The following POMT1 variants were observed in gnomAD, a reference collection of about 807,000 sequenced individuals.
POMT1 encodes protein O-mannosyltransferase 1.
POMT1 carries 85 observed loss-of-function variants against 101.6 expected under a neutral mutation model. That is an observed-to-expected ratio of 0.84 (90% CI 0.70 to 1.00). The LOEUF (loss-of-function observed/expected upper bound fraction) is 1.00, where lower values mean the gene tolerates loss of function less well. Ranked by LOEUF, POMT1 falls within the 50% of genes least tolerant of loss-of-function variation. The pLI, the probability that POMT1 is intolerant of heterozygous loss-of-function variation, is 0.00. For synonymous variants in POMT1, 371 were observed against 383.0 expected, an observed-to-expected ratio of 0.97 and a Z score of 0.37; for missense variants, 857 against 930.4, an observed-to-expected ratio of 0.92 and a Z score of 1.03.
At chr9:131,511,572 CAGAA>C (rs1947123598) in intron 10 of POMT1, 105 bp downstream of exon 10, 2 of 1,507,072 alleles carry the variant, frequency 1.3e-6, no homozygotes, top group Non-Finnish European at 1.8e-6. Context: ...GTTTGCAGGA[CAGAA>C]AGAAGTTGAG....
chr9:131,509,065 T>C (rs1266133968), intron 6 of POMT1, 43 bp downstream of exon 6: 1 of 1,420,830 alleles, frequency 7.0e-7, no homozygotes, highest in African/African-American at 1.4e-5. Flanking sequence ...AGAACAGAGA[T>C]TCTGGGTGGT....
At chr9:131,508,072 C>T (rs1194653401) in intron 5 of POMT1, among the ~76,000 whole-genome samples, 7 of 148,160 alleles carry the variant, frequency 4.7e-5, no homozygotes, top group African/African-American at 1.0e-4. Flanking sequence ...CTAAAAATAA[C>T]GAAAAATACA....
chr9:131,508,861 C>G, intron 5 of POMT1, 50 bp from the exon 6 acceptor site: 1 of 1,312,882 alleles, frequency 7.6e-7, no homozygotes, highest in African/African-American at 1.4e-5. Flanking sequence ...CATCCTCATA[C>G]GTTTTCCCTT....
rs745738628 is a variant in POMT1, at chr9:131,522,931, G to C, written c.2004-1G>C. The C allele has an allele frequency of 3.8e-6, 6 of 1,585,398 alleles. No homozygotes were observed. The highest frequency in any genetic ancestry group is 8.6e-7 in the Non-Finnish European group (1 of 1,168,594). On this transcript the variant is annotated splice_acceptor_variant, in intron 19 of 19. Transcript: ENST00000402686. LOFTEE classifies it high-confidence loss of function. The surrounding 1 kb of genome is among the most constrained non-coding windows in gnomAD (Gnocchi z 5.5). The stretch of plus-strand genomic sequence containing the variant: ...CCCCCACGCTGCTCTGACCTCTGCA[G>C]GTCCCAGCTCCAGAGGAGCATCTTC...
In POMT1 at chr9:131,518,900, TC is replaced by T; in HGVS notation, c.1432del (p.Arg478GlyfsTer57). 1 of 1,613,804 alleles carries T rather than the reference TC, an allele frequency of 6.2e-7. No individual in the cohort carries two copies. Among genetic ancestry groups the T allele is most frequent in the Non-Finnish European group, 8.5e-7 (1 of 1,180,024 alleles). ...RQLEIVGEKL[S>X]RGYHGSTVWN... ...ACTGGAGATCGTCGGGGAGAAGCTG[TC>T]CCGGGGCTACCACGGGAGCACGGTG... On this transcript the variant is annotated frameshift_variant, in exon 15 of 20. Coordinates refer to ENST00000402686, the MANE Select transcript of POMT1 (RefSeq NM_001077365.2). LOFTEE classifies it high-confidence loss of function.
In POMT1 at chr9:131,518,514, G is replaced by A. The variant is rs1019439823; in HGVS notation, c.1342G>A (p.Val448Met). The A allele has an allele frequency of 1.9e-6, 3 of 1,613,664 alleles. No homozygotes were observed. The highest frequency in any genetic ancestry group is 1.7e-5 in the Admixed American group (1 of 60,012). The change falls in exon 14 of 20, where the codon GTG becomes ATG. Residue 448 changes from valine to methionine, a missense_variant. Val to Met is a conservative substitution (Grantham distance 21). Transcript: ENST00000402686. ...TILSEVRFVH[V>M]NTSAVLKLSG... ...CCTCTCAGAGGTCCGCTTTGTGCAC[G>A]TGAACACTTCCGCTGTCTTAAAGGT...
At chr9:131,521,208 A>T in intron 17 of POMT1, 138 bp from the exon 18 acceptor site, 4 of 1,177,222 alleles carry the variant, frequency 3.4e-6, no homozygotes, top group Non-Finnish European at 5.0e-6. Flanking sequence ...AGTAAGGCCT[A>T]GTGGATGCTA....
chr9:131,521,218 A>T, intron 17 of POMT1, 128 bp from the exon 18 acceptor site: 1 of 1,328,744 alleles, frequency 7.5e-7, no homozygotes, highest in Non-Finnish European at 1.1e-6. Flanking sequence ...AGTGGATGCT[A>T]GGCTGTGCCT....
chr9:131,519,985 C>T lies in POMT1; in HGVS notation c.1585-95C>T, dbSNP rs1235678583. On this transcript the variant is annotated intron_variant, in intron 16 of 19. Transcript: ENST00000402686. The surrounding 1 kb of genome is among the most constrained non-coding windows in gnomAD (Gnocchi z 4.3). ...AATGAACTTGAGCTGGGCCAGTCCA[C>T]GTGCAAGGGGCAGCAGTGTACTCCT... 50 of 918,298 alleles carry T rather than the reference C, an allele frequency of 5.4e-5. No individual in the cohort carries two copies. The highest frequency in any genetic ancestry group is 2.4e-4 in the Middle Eastern group (1 of 4,134). 56.9% of individuals were successfully genotyped at this position (918,298 alleles called of 1,614,324 possible).
In POMT1 at chr9:131,522,659, C is replaced by T; in HGVS notation, c.2004-273C>T. The stretch of plus-strand genomic sequence containing the variant: ...AGGGCCTCCCGGTTTCAGGAAGCCA[C>T]ACAAGGGAGGACCGTGGGTTTGGGA... On this transcript the variant is annotated intron_variant, in intron 19 of 19. Coordinates refer to ENST00000402686, the MANE Select transcript of POMT1 (RefSeq NM_001077365.2). This position sits in a 1 kb window ranked among gnomAD's most constrained non-coding sequence, Gnocchi z 5.5. The T allele has an allele frequency of 1.7e-6, 1 of 572,598 alleles. No individual in the cohort carries two copies. The highest frequency in any genetic ancestry group is 3.1e-6 in the Non-Finnish European group (1 of 320,180). The allele number at this position is 572,598 out of a possible 1,614,324, so 35.5% of individuals were successfully genotyped here.
In POMT1 at chr9:131,523,161, C is replaced by T; in HGVS notation, c.*55C>T. The T allele has an allele frequency of 1.3e-6, 2 of 1,583,118 alleles. No homozygotes were observed. The highest frequency in any genetic ancestry group is 1.7e-6 in the Non-Finnish European group (2 of 1,166,424). ...TGGGGTCGGGATGAGGTTGAAGGGT[C>T]TTGGTCAATGTACGTAATGAGCAGG... On this transcript the variant is annotated 3_prime_UTR_variant, in exon 20 of 20. Transcript: ENST00000402686.
At position 131,506,424 on chromosome 9, in the gene POMT1, G is replaced by A. The variant is rs1945825947; in HGVS notation, c.251G>A (p.Gly84Asp). The change falls in exon 4 of 20, where the codon GGC becomes GAC. Residue 84 changes from glycine to aspartate, a missense_variant. Gly to Asp is a moderately conservative substitution (Grantham distance 94). Coordinates refer to ENST00000402686, the MANE Select transcript of POMT1 (RefSeq NM_001077365.2). ...ALGGYLGGFD[G>D]NFLWNRIGAE... ...TCAGGTTATTTAGGAGGATTCGATG[G>A]CAATTTTTTGTGGAACAGAATTGGA... 6.2e-7 allele frequency: 1 copy of A among 1,613,070 alleles called. No individual in the cohort carries two copies. Among genetic ancestry groups the A allele is most frequent in the Non-Finnish European group, 8.5e-7 (1 of 1,179,112 alleles).
chr9:131,505,161 CCA>C lies in POMT1; in HGVS notation c.122+829_122+830del, dbSNP rs567050191. On this transcript the variant is annotated intron_variant, in intron 2 of 19. Coordinates refer to ENST00000402686, the MANE Select transcript of POMT1 (RefSeq NM_001077365.2). ...GAGACAAGTATAATGAATGACCCCC[CCA>C]CACACACCAGTATTTTCATTACCCA... 5.7e-3 allele frequency among the ~76,000 whole-genome samples: 873 copies of C among 152,104 alleles called. 13 individuals carry two copies. Among genetic ancestry groups the C allele is most frequent in the African/African-American group, 0.02 (838 of 41,468 alleles).
At chr9:131,520,588 C>T (rs1305748103) in intron 17 of POMT1, among the ~76,000 whole-genome samples, 1 of 152,216 alleles carries the variant, frequency 6.6e-6, no homozygotes, top group Non-Finnish European at 1.5e-5. Flanking sequence ...CAGTCAGCGC[C>T]CCATAAATAT....
At position 131,513,304 on chromosome 9, in the gene POMT1, A is replaced by C; in HGVS notation, c.1148A>C (p.His383Pro). ...CACGGGGACATGGTGCAGCTGGTCC[A>C]CGGCATGACCACCCGCTCCCTGAAC... ...VRHGDMVQLV[H>P]GMTTRSLNTH... Residue 383 changes from histidine (H) to proline (P), a missense_variant, in exon 12 of 20, where the codon CAC becomes CCC. By Grantham distance (77) the His-to-Pro change is moderately conservative. Transcript: ENST00000402686. 1 of 1,612,236 alleles carries C rather than the reference A, an allele frequency of 6.2e-7. No homozygotes were observed. The highest frequency in any genetic ancestry group is 8.5e-7 in the Non-Finnish European group (1 of 1,179,902).
chr9:131,508,519 G>T lies in POMT1; in HGVS notation c.428-392G>T, dbSNP rs147370684. ...GCACTCCAGCCTGGTGACAGAACAA[G>T]ACTCTGTCTCAAAAAAATAAATAAA... On this transcript the variant is annotated intron_variant, in intron 5 of 19. Transcript: ENST00000402686. Among the ~76,000 whole-genome samples, 13 of 152,064 alleles carry T rather than the reference G, an allele frequency of 8.5e-5. No individual in the cohort carries two copies. In the East Asian group the frequency reaches 2.3e-3, roughly 27 times the overall value.
chr9:131,506,456 A>T lies in POMT1; in HGVS notation c.280+3A>T. 1 of 1,609,190 alleles carries T rather than the reference A, an allele frequency of 6.2e-7. No individual in the cohort carries two copies. Among genetic ancestry groups the T allele is most frequent in the Non-Finnish European group, 8.5e-7 (1 of 1,175,512 alleles). The stretch of plus-strand genomic sequence containing the variant: ...TTTGTGGAACAGAATTGGAGCAGGT[A>T]AAAGATAATTTTCATTTCCCTTTTA... On this transcript the variant is annotated splice_donor_region_variant and intron_variant, in intron 4 of 19. Coordinates refer to ENST00000402686, the MANE Select transcript of POMT1 (RefSeq NM_001077365.2).
At chr9:131,516,997 G>C (rs1421167958) in intron 13 of POMT1, 1 of 152,272 alleles carries the variant, frequency 6.6e-6, no homozygotes, top group Non-Finnish European at 1.5e-5. Context: ...AAAGTCTTCT[G>C]TTACTGGACC....
chr9:131,522,365 G>C lies in POMT1; in HGVS notation c.2003+141G>C. On this transcript the variant is annotated intron_variant, in intron 19 of 19. Transcript: ENST00000402686. The surrounding 1 kb of genome is among the most constrained non-coding windows in gnomAD (Gnocchi z 5.5). ...TCCTCCGGGTCCCTCCGGGGAATGG[G>C]TGAGGTTCAGAAGAGATGCCCAGAT... 1 of 1,483,870 alleles carries C rather than the reference G, an allele frequency of 6.7e-7. No individual in the cohort carries two copies. The highest frequency in any genetic ancestry group is 9.0e-7 in the Non-Finnish European group (1 of 1,111,210). 91.9% of individuals were successfully genotyped at this position (1,483,870 alleles called of 1,614,324 possible). A position where few individuals can be genotyped will look rare whatever the true frequency, so the allele number is the denominator to read the frequency against.
Sources: gnomAD v4.1 joint callset for allele counts (sites outside exome capture counted in the v4.1 genomes callset) on GRCh38, gnomAD v4.1.1 for gene constraint, Gnocchi (gnomAD v3.1) non-coding constraint, MANE v1.5 for transcripts, NCBI Gene and HGNC (gene_info 2026-07-23, HGNC 2026-07-21) for gene names.